PLEKHA4: variants seen among roughly 807,000 people sequenced by gnomAD.
PLEKHA4 encodes the protein pleckstrin homology domain containing A4, also known as pleckstrin homology domain-containing family A member 4.
A neutral mutation model predicts 94.7 loss-of-function variants in PLEKHA4; 73 were observed. The ratio of observed to expected loss-of-function variants is 0.77; its 90% confidence interval spans 0.64 to 0.94. The LOEUF (loss-of-function observed/expected upper bound fraction) is 0.94. Among genes scored for constraint, PLEKHA4 ranks in the 40% least tolerant of loss-of-function variants. PLEKHA4 has a pLI of 0.00. For synonymous variants in PLEKHA4, 449 were observed against 437.1 expected (o/e 1.03, Z -0.34); for missense variants, 1,049 against 1,054.1 (o/e 1.00, Z 0.07).
Position 48,837,169 on chromosome 19 carries a change from C to T in PLEKHA4, c.*120G>A. The T allele has an allele frequency of 2.8e-6, 4 of 1,440,918 alleles. No homozygotes were observed. Among genetic ancestry groups the T allele is most frequent in the Admixed American group, 3.9e-5 (2 of 51,678 alleles). The allele number at this position is 1,440,918 out of a possible 1,614,324, so 89.3% of individuals were successfully genotyped here. A position where few individuals can be genotyped will look rare whatever the true frequency, so the allele number is the denominator to read the frequency against. On this transcript the variant is annotated 3_prime_UTR_variant, in exon 20 of 20. Transcript: ENST00000263265. The surrounding 1 kb of genome is among the most constrained non-coding windows in gnomAD (Gnocchi z 4.3). ...AAACTTTGGCCATAGAAACCATTCC[C>T]CTCCCGGGCCCGCAATGGGGACCAG...
Position 48,867,419 on chromosome 19 carries a change from T to C in PLEKHA4, c.84+118A>G. ...GTAGGCAATTTGGGACCTTACTATG[T>C]CTGGCAGACCCCGTTGCTAAGGATC... is the stretch of plus-strand genomic sequence containing the variant. On this transcript the variant is annotated intron_variant, in intron 2 of 19. Coordinates refer to ENST00000263265, the MANE Select transcript of PLEKHA4 (RefSeq NM_020904.3). The surrounding 1 kb of genome is among the most constrained non-coding windows in gnomAD (Gnocchi z 4.7). 1 of 1,204,398 alleles carries C rather than the reference T, an allele frequency of 8.3e-7. No individual in the cohort carries two copies. The highest frequency in any genetic ancestry group is 1.2e-6 in the Non-Finnish European group (1 of 862,858). 74.6% of individuals were successfully genotyped at this position (1,204,398 alleles called of 1,614,324 possible). A position where few individuals can be genotyped will look rare whatever the true frequency, so the allele number is the denominator to read the frequency against.
chr19:48,860,962 T>G (rs1395502907), intron 5 of PLEKHA4, among the ~76,000 whole-genome samples: 1 of 151,942 alleles, frequency 6.6e-6, no homozygotes, highest in Non-Finnish European at 1.5e-5. Flanking sequence ...ATCCCAGCAC[T>G]TTGGGAGGCT....
chr19:48,858,724 T>C, intron 8 of PLEKHA4, 136 bp downstream of exon 8: 1 of 973,678 alleles, frequency 1.0e-6, no homozygotes, highest in South Asian at 1.4e-5. Context: ...AAGCTCTCTC[T>C]CACCTGAGCC....
rs961650376 is a variant in PLEKHA4, at chr19:48,848,213, G to A, written c.1426-173C>T. 4.6e-5 allele frequency among the ~76,000 whole-genome samples: 7 copies of A among 152,296 alleles called. No homozygotes were observed. The East Asian group carries it at 5.8e-4, about 13-fold the overall frequency. ...TTGAAAAAAACTGTCTTGGCTGGGCGCGGTGGCTCACGCCTGTAATCCCAG... is the reference window on the plus strand; with the variant it reads ...TTGAAAAAAACTGTCTTGGCTGGGCACGGTGGCTCACGCCTGTAATCCCAG... On this transcript the variant is annotated intron_variant, in intron 13 of 19. Transcript: ENST00000263265.
intron 14 of PLEKHA4, among the ~76,000 whole-genome samples, chr19:48,847,323 C>T (rs115416064): frequency 0.017 from 2,635 of 152,214 alleles, 33 homozygotes; most frequent in Middle Eastern, 0.048. Context: ...GCGGTCCCAG[C>T]TACTCAGGAA....
intron 18 of PLEKHA4, among the ~76,000 whole-genome samples, chr19:48,838,571 CT>C (rs1430957192): frequency 2.0e-5 from 3 of 151,322 alleles, no homozygotes; most frequent in Non-Finnish European, 4.4e-5. Flanking sequence ...CGAGACCACC[CT>C]GGCCAACATG....
Position 48,837,925 on chromosome 19 carries a change from C to T in PLEKHA4, c.2077+92G>A, listed in dbSNP as rs34061045. The T allele has an allele frequency of 9.4e-7, 1 of 1,058,874 alleles. No individual in the cohort carries two copies. Among genetic ancestry groups the T allele is most frequent in the South Asian group, 1.4e-5 (1 of 70,080 alleles). 65.6% of individuals were successfully genotyped at this position (1,058,874 alleles called of 1,614,324 possible). On this transcript the variant is annotated intron_variant, in intron 19 of 19. Coordinates refer to ENST00000263265, the MANE Select transcript of PLEKHA4 (RefSeq NM_020904.3). The surrounding 1 kb of genome is among the most constrained non-coding windows in gnomAD (Gnocchi z 4.3). ...CACCAAGATAAAAAATTCTCACCGG[C>T]CCCCAGACCCCTCCTCTCCAGGACC... is the stretch of plus-strand genomic sequence containing the variant.
At chr19:48,852,434 G>T in intron 12 of PLEKHA4, 108 bp from the exon 13 acceptor site, 1 of 810,610 alleles carries the variant, frequency 1.2e-6, no homozygotes. Flanking sequence ...TTGGTCCCTG[G>T]AGCCCTGCAG....
chr19:48,839,150 T>C (rs1014475050), intron 18 of PLEKHA4, 55 bp downstream of exon 18: 1 of 1,401,448 alleles, frequency 7.1e-7, no homozygotes, highest in African/African-American at 1.4e-5. Context: ...CTACTCCCCT[T>C]TGCTTTTGCA....
chr19:48,839,305 C>T, intron 17 of PLEKHA4, 42 bp from the exon 18 acceptor site: 1 of 1,398,388 alleles, frequency 7.2e-7, no homozygotes, highest in East Asian at 2.4e-5. Context: ...ACCTGGAAGC[C>T]CCACGTTCTC....
At chr19:48,850,230 G>A (rs2036129168) in intron 13 of PLEKHA4, among the ~76,000 whole-genome samples, 1 of 150,952 alleles carries the variant, frequency 6.6e-6, no homozygotes, top group Non-Finnish European at 1.5e-5. Context: ...GGGCGGCCAG[G>A]CGCCGTGACT....
chr19:48,846,101 C>G (rs2035960227), intron 14 of PLEKHA4, among the ~76,000 whole-genome samples: 1 of 151,434 alleles, frequency 6.6e-6, no homozygotes, highest in Non-Finnish European at 1.5e-5. Flanking sequence ...AGGTAGGAGG[C>G]TCACTTGAGG....
intron 8 of PLEKHA4, 23 bp from the exon 9 acceptor site, chr19:48,857,519 G>A: frequency 1.4e-6 from 2 of 1,419,738 alleles, no homozygotes; most frequent in Non-Finnish European, 2.0e-6. Flanking sequence ...TTGAAATGGA[G>A]ATGTTTAGAA....
At position 48,837,409 on chromosome 19, in the gene PLEKHA4, C is replaced by A. The variant is rs772243338; in HGVS notation, c.2220G>T (p.Gly740=). ...CCCAGGGGGTGGGACCTCCTCCACG[C>A]CCACTCCCTCGGCGAGAGAACCCCG... ...GSTGFSRRGS[G]RGGGPTPWGP... Residue 740 remains glycine, a synonymous_variant, in exon 20 of 20, where the codon GGG becomes GGT. Transcript: ENST00000263265. This position sits in a 1 kb window ranked among gnomAD's most constrained non-coding sequence, Gnocchi z 4.3. The A allele has an allele frequency of 6.2e-7, 1 of 1,613,566 alleles. No individual in the cohort carries two copies. The highest frequency in any genetic ancestry group is 8.5e-7 in the Non-Finnish European group (1 of 1,179,848).
intron 17 of PLEKHA4, 110 bp from the exon 18 acceptor site, chr19:48,839,373 G>T: frequency 3.3e-6 from 2 of 614,106 alleles, no homozygotes; most frequent in Non-Finnish European, 2.7e-6. Flanking sequence ...CAAAAACACT[G>T]GCAATGTTTT....
At chr19:48,866,366 G>GC (rs1028791143) in intron 2 of PLEKHA4, among the ~76,000 whole-genome samples, 3 of 151,976 alleles carry the variant, frequency 2.0e-5, no homozygotes, top group African/African-American at 7.2e-5. Flanking sequence ...GAGCACACTG[G>GC]CACCATCTTG....
intron 6 of PLEKHA4, 67 bp downstream of exon 6, chr19:48,860,283 G>C: frequency 7.3e-7 from 1 of 1,367,782 alleles, no homozygotes; most frequent in Non-Finnish European, 1.0e-6. Context: ...CCCCAAAGGG[G>C]AGGAGTTGGG....
chr19:48,865,978 C>G (rs1035915154), intron 2 of PLEKHA4, among the ~76,000 whole-genome samples: 1 of 150,734 alleles, frequency 6.6e-6, no homozygotes, highest in African/African-American at 2.4e-5. Flanking sequence ...CGCACCACTG[C>G]ACTCCAGCCC....
rs77471725 is a variant in PLEKHA4 at position 48,859,511 on chromosome 19, T to A, written c.650A>T (p.Asp217Val). The A allele has an allele frequency of 3.1e-6, 5 of 1,613,512 alleles. No individual in the cohort carries two copies. The highest frequency in any genetic ancestry group is 2.2e-5 in the East Asian group (1 of 44,834). ...PRLLTPSPTT[D>V]LHSGLQMRRA... ...CCGCATCTGGAGTCCAGAGTGGAGG[T>A]CGGTTGTGGGGCTGGGAGTGAGCAG... The change falls in exon 7 of 20, where the codon GAC (aspartate) becomes GTC (valine). Residue 217 changes from aspartate to valine, a missense_variant. Coordinates refer to ENST00000263265, the MANE Select transcript of PLEKHA4 (RefSeq NM_020904.3).
Sources: allele counts gnomAD v4.1 joint callset (sites outside exome capture counted in the v4.1 genomes callset), GRCh38; gene constraint gnomAD v4.1.1; non-coding constraint Gnocchi (gnomAD v3.1); transcripts MANE v1.5; gene names NCBI Gene and HGNC (gene_info 2026-07-23, HGNC 2026-07-21).